CDC25C: variants seen among roughly 807,000 people sequenced by gnomAD.
CDC25C encodes the protein cell division cycle 25C, also known as M-phase inducer phosphatase 3.
In CDC25C, 48 loss-of-function variants were observed where a neutral mutation model predicts 52.5. The ratio of observed to expected loss-of-function variants is 0.91; its 90% CI spans 0.72 to 1.16. The LOEUF (loss-of-function observed/expected upper bound fraction) is 1.16. Ranked by LOEUF, CDC25C falls within the 50% of genes most tolerant of loss-of-function variation. CDC25C has a pLI of 0.00. For missense variants in CDC25C, 510 were observed against 566.1 expected, an observed-to-expected ratio of 0.90 and a Z score of 1.01; for synonymous variants, 187 against 206.5, an observed-to-expected ratio of 0.91 and a Z score of 0.81.
chr5:138,308,503 C>T (rs1388782942), intron 7 of CDC25C, among the ~76,000 whole-genome samples: 1 of 152,120 alleles, frequency 6.6e-6, no homozygotes, highest in Non-Finnish European at 1.5e-5. Flanking sequence ...TAAAAGTGAT[C>T]CTAAATCTTC....
At chr5:138,325,360 T>C (rs2126820941) in intron 6 of CDC25C, among the ~76,000 whole-genome samples, 1 of 152,210 alleles carries the variant, frequency 6.6e-6, no homozygotes, top group African/African-American at 2.4e-5. Flanking sequence ...GCCTAAGGTT[T>C]AGATAAAAAG....
intron 7 of CDC25C, among the ~76,000 whole-genome samples, chr5:138,306,357 G>A (rs6868449): frequency 0.15 from 22,219 of 151,920 alleles, 1,869 homozygotes; most frequent in South Asian, 0.23. Flanking sequence ...CCAACATGTA[G>A]CAAGTACTCA....
intron 7 of CDC25C, among the ~76,000 whole-genome samples, chr5:138,313,040 G>A (rs1758569262): frequency 6.6e-6 from 1 of 152,176 alleles, no homozygotes. Flanking sequence ...TAGGGGCTGG[G>A]GAAGGGGGAG....
intron 7 of CDC25C, among the ~76,000 whole-genome samples, chr5:138,314,603 C>CTTTTTT (rs907033621): frequency 2.6e-5 from 3 of 114,714 alleles, no homozygotes; most frequent in Non-Finnish European, 3.6e-5. Context: ...GCCTATAGCA[C>CTTTTTT]TTTTTTTTTT....
chr5:138,292,689 G>GA (rs981836146), intron 7 of CDC25C, among the ~76,000 whole-genome samples: 5 of 151,748 alleles, frequency 3.3e-5, no homozygotes, highest in Admixed American at 6.6e-5. Flanking sequence ...ACCCATCAGG[G>GA]AAAAAAAAGT....
At chr5:138,317,267 T>C (rs1336657223) in intron 7 of CDC25C, among the ~76,000 whole-genome samples, 1 of 151,934 alleles carries the variant, frequency 6.6e-6, no homozygotes, top group Non-Finnish European at 1.5e-5. Flanking sequence ...AATAAAAGCA[T>C]GAGGACTAGA....
chr5:138,336,352 C>T (rs911813480), upstream of CDC25C, among the ~76,000 whole-genome samples: 6 of 152,018 alleles, frequency 3.9e-5, no homozygotes, highest in African/African-American at 1.2e-4. Context: ...AGGCTGGTCT[C>T]GAACTCCTGA....
chr5:138,312,940 A>G (rs1439126553), intron 7 of CDC25C, among the ~76,000 whole-genome samples: 2 of 152,216 alleles, frequency 1.3e-5, no homozygotes, highest in East Asian at 3.8e-4. Context: ...ACTATGAGAT[A>G]TATGCCAGAG....
At chr5:138,309,425 TGG>T (rs1758272603) in intron 7 of CDC25C, among the ~76,000 whole-genome samples, 3 of 151,436 alleles carry the variant, frequency 2.0e-5, no homozygotes. Flanking sequence ...GGGGTGGTGG[TGG>T]GCACCTGTAA....
exon 1 of CDC25C, chr5:138,338,312 G>T: frequency 3.8e-6 from 2 of 529,174 alleles, no homozygotes; most frequent in Non-Finnish European, 6.7e-6. Context: ...ACCGCGGTAG[G>T]TGGTGGAGGG....
chr5:138,289,599 T>C (rs1237739155), intron 9 of CDC25C, 36 bp from the exon 10 acceptor site: 1 of 1,545,080 alleles, frequency 6.5e-7, no homozygotes, highest in Middle Eastern at 1.7e-4. Context: ...ACAGCAAGTA[T>C]TCCACACCCA....
chr5:138,335,925 T>G (rs1291745390), upstream of CDC25C, among the ~76,000 whole-genome samples: 1 of 151,956 alleles, frequency 6.6e-6, no homozygotes, highest in East Asian at 1.9e-4. Context: ...AGCTTAGTGG[T>G]GAAAAGCAAG....
chr5:138,320,743 GTC>G (rs1172252711), intron 6 of CDC25C, among the ~76,000 whole-genome samples: 1 of 151,472 alleles, frequency 6.6e-6, no homozygotes, highest in East Asian at 1.9e-4. Flanking sequence ...GTGAAACTCC[GTC>G]TCTACTAAAA....
At chr5:138,310,997 T>G (rs1028067644) in intron 7 of CDC25C, among the ~76,000 whole-genome samples, 2 of 152,194 alleles carry the variant, frequency 1.3e-5, no homozygotes, top group African/African-American at 4.8e-5. Flanking sequence ...TATAGACCAA[T>G]GGAATGGAAC....
At chr5:138,323,002 C>G (rs1450686343) in intron 6 of CDC25C, among the ~76,000 whole-genome samples, 1 of 151,588 alleles carries the variant, frequency 6.6e-6, no homozygotes, top group African/African-American at 2.4e-5. Flanking sequence ...ATTCACTGCA[C>G]TGGAGTGCAG....
chr5:138,331,905 C>G (rs1218636455), upstream of CDC25C: 1 of 985,614 alleles, frequency 1.0e-6, no homozygotes, highest in African/African-American at 1.7e-5. Flanking sequence ...CGCGCGCGCC[C>G]AGGGCCTCAT....
intron 7 of CDC25C, among the ~76,000 whole-genome samples, chr5:138,308,536 G>A (rs75207919): frequency 0.014 from 2,050 of 151,342 alleles, 22 homozygotes; most frequent in Non-Finnish European, 0.02. Flanking sequence ...TCTTTTTTTC[G>A]GAAGCCCTAG....
At chr5:138,338,230 G>A in exon 1 of CDC25C, 3 of 1,232,614 alleles carry the variant, frequency 2.4e-6, no homozygotes, top group Non-Finnish European at 3.2e-6. Context: ...TCGCGCCAGC[G>A]CCTTTTAAGG....
Position 138,292,395 on chromosome 5 carries a change from A to T in CDC25C, c.616-279T>A, listed in dbSNP as rs571862701. The stretch of plus-strand genomic sequence containing the variant: ...CTCCATGGACGTCTTAACTAGCCAA[A>T]CCAAATTCTGCAGCTGACTGTCTTA... On this transcript the variant is annotated intron_variant, in intron 7 of 13. Transcript: ENST00000323760. Among the ~76,000 whole-genome samples, 6 of 150,472 alleles carry T rather than the reference A, an allele frequency of 4.0e-5. No individual in the cohort carries two copies. The East Asian group carries it at 1.2e-3, about 29-fold the overall frequency.
Sources: allele counts gnomAD v4.1 joint callset (sites outside exome capture counted in the v4.1 genomes callset), GRCh38; gene constraint gnomAD v4.1.1; transcripts MANE v1.5; gene names NCBI Gene and HGNC (gene_info 2026-07-23, HGNC 2026-07-21).